TIMELESS: variants seen among roughly 807,000 people sequenced by gnomAD.
TIMELESS encodes the protein protein timeless homolog.
A neutral mutation model predicts 164.3 loss-of-function variants in TIMELESS; 124 were observed. The observed-to-expected ratio is 0.75, with a 90% confidence interval of 0.65 to 0.88. The LOEUF is 0.88. Among genes scored for constraint, TIMELESS ranks in the 40% least tolerant of loss-of-function variants. TIMELESS has a pLI of 0.00. For missense variants in TIMELESS, 1,422 were observed against 1,491.4 expected, an observed-to-expected ratio of 0.95 and a Z score of 0.77; for synonymous variants, 564 against 563.4, an observed-to-expected ratio of 1.00 and a Z score of -0.02.
At chr12:56,429,590 C>T (rs1043292719) in intron 10 of TIMELESS, among the ~76,000 whole-genome samples, 1 of 149,846 alleles carries the variant, frequency 6.7e-6, no homozygotes, top group East Asian at 2.0e-4. Context: ...CAACCTCTGC[C>T]TCCCAGGTTC....
intron 1 of TIMELESS, among the ~76,000 whole-genome samples, chr12:56,442,613 C>A (rs951354078): frequency 2.0e-5 from 3 of 151,240 alleles, no homozygotes; most frequent in Middle Eastern, 3.2e-3. Context: ...ACTCACCCTG[C>A]AAAAGACCAT....
At chr12:56,423,522 A>T (rs1881570428) in intron 17 of TIMELESS, 47 bp from the exon 18 acceptor site, 1 of 1,613,070 alleles carries the variant, frequency 6.2e-7, no homozygotes, top group Non-Finnish European at 8.5e-7. Context: ...AGGAAGACAT[A>T]GCTCATCCTC....
chr12:56,434,746 A>T (rs906186744), intron 1 of TIMELESS, among the ~76,000 whole-genome samples: 7 of 152,042 alleles, frequency 4.6e-5, no homozygotes, highest in Admixed American at 2.0e-4. Context: ...CAAAATAAAT[A>T]AATAAATAAA....
In TIMELESS at chr12:56,429,448, T is replaced by C. The variant is rs112128405; in HGVS notation, c.1087-348A>G. Among the ~76,000 whole-genome samples, 1,238 of 150,648 alleles carry C rather than the reference T, an allele frequency of 8.2e-3. 19 individuals carry two copies. Among genetic ancestry groups the C allele is most frequent in the African/African-American group, 0.028 (1,170 of 41,090 alleles). ...CCTGACCTCAGGTGATCCACCTGCC[T>C]TGGACTCCCAAAGTGCTGGTATTAC... is the stretch of plus-strand genomic sequence containing the variant. On this transcript the variant is annotated intron_variant, in intron 10 of 28. Transcript: ENST00000553532.
At chr12:56,420,048 A>ATATATATATATG (rs1473074484) in intron 26 of TIMELESS, among the ~76,000 whole-genome samples, 10 of 87,330 alleles carry the variant, frequency 1.1e-4, no homozygotes, top group African/African-American at 4.5e-4. Context: ...ATATATATAT[A>ATATATATATATG]TGTGTGTGTG....
intron 1 of TIMELESS, among the ~76,000 whole-genome samples, chr12:56,438,430 A>C (rs1438591397): frequency 6.6e-6 from 1 of 151,826 alleles, no homozygotes; most frequent in East Asian, 1.9e-4. Flanking sequence ...ACTTCAAGTG[A>C]TCCTCCTGCC....
At chr12:56,427,796 G>C (rs1881724583) in intron 13 of TIMELESS, among the ~76,000 whole-genome samples, 1 of 152,092 alleles carries the variant, frequency 6.6e-6, no homozygotes, top group African/African-American at 2.4e-5. Context: ...GGCTGGTCTT[G>C]AACCCCTGAC....
At chr12:56,439,278 T>C (rs573018112) in intron 1 of TIMELESS, among the ~76,000 whole-genome samples, 1 of 150,440 alleles carries the variant, frequency 6.6e-6, no homozygotes, top group African/African-American at 2.4e-5. Context: ...TAGGCTGATA[T>C]GGGCACAGTG....
chr12:56,422,852 A>C lies in TIMELESS; in HGVS notation c.2433T>G (p.Asp811Glu). Residue 811 changes from aspartate to glutamate, a missense_variant, in exon 19 of 29, where the codon GAT becomes GAG. Coordinates refer to ENST00000553532, the MANE Select transcript of TIMELESS (RefSeq NM_003920.5). ...TTTGCCAACTTCAAGCTCACCTGTC[A>C]TCCAGGGAGCCATAGCCCTCAGTCA... ...REMTEGYGSL[D>E]DRSSSRRAPT... 1 of 1,596,434 alleles carries C rather than the reference A, an allele frequency of 6.3e-7. No homozygotes were observed.
At position 56,432,494 on chromosome 12, in the gene TIMELESS, G is replaced by C; in HGVS notation, c.562C>G (p.Gln188Glu). Residue 188 changes from glutamine (Q) to glutamate (E), a missense_variant, in exon 7 of 29, where the codon CAG becomes GAG. By Grantham distance (29) the Gln-to-Glu change is conservative (BLOSUM62 2). Transcript: ENST00000553532. ...CTGAGGTGAATCGCCCAGAGGAGCT[G>C]GTCATGGGCACTGGCGTCATCATCA... ...KIDDDASAHD[Q>E]LLWAIHLSGL... 6.2e-7 allele frequency: 1 copy of C among 1,614,130 alleles called. No homozygotes were observed. The highest frequency in any genetic ancestry group is 2.2e-5 in the East Asian group (1 of 44,878).
chr12:56,431,224 T>A (rs919399150), intron 8 of TIMELESS, among the ~76,000 whole-genome samples: 1 of 151,840 alleles, frequency 6.6e-6, no homozygotes, highest in Admixed American at 6.6e-5. Context: ...CATGGTGGCA[T>A]GCGCCTGTAG....
chr12:56,437,596 A>G (rs1882114061), intron 1 of TIMELESS, among the ~76,000 whole-genome samples: 1 of 152,172 alleles, frequency 6.6e-6, no homozygotes, highest in Non-Finnish European at 1.5e-5. Flanking sequence ...ACATGAGAGC[A>G]GAAGCAAGGT....
In TIMELESS at chr12:56,423,781, A is replaced by G. The variant is rs1415203767; in HGVS notation, c.1966+16T>C. ...AAAGAGCTGGAAGGAGACAGATGTG[A>G]AGGGTGGAGACTCACGGGGAAGTGG... On this transcript the variant is annotated intron_variant, in intron 16 of 28. Coordinates refer to ENST00000553532, the MANE Select transcript of TIMELESS (RefSeq NM_003920.5). 8 of 1,613,984 alleles carry G rather than the reference A, an allele frequency of 5.0e-6. No homozygotes were observed. The highest frequency in any genetic ancestry group is 6.8e-6 in the Non-Finnish European group (8 of 1,180,022).
At chr12:56,443,106 C>T (rs887183925) in intron 1 of TIMELESS, among the ~76,000 whole-genome samples, 7 of 152,208 alleles carry the variant, frequency 4.6e-5, no homozygotes, top group East Asian at 1.9e-4. Context: ...AGAACAACAG[C>T]GATTTTCAGG....
intron 23 of TIMELESS, 29 bp downstream of exon 23, chr12:56,421,322 T>C (rs995793832): frequency 6.2e-7 from 1 of 1,608,480 alleles, no homozygotes; most frequent in Non-Finnish European, 8.5e-7. Context: ...AGTGAGCCCA[T>C]GCCAGCAGAG....
chr12:56,439,385 G>C (rs922219004), intron 1 of TIMELESS, among the ~76,000 whole-genome samples: 4 of 132,198 alleles, frequency 3.0e-5, no homozygotes, highest in African/African-American at 1.2e-4. Context: ...ATTGTACAGG[G>C]GTTTTCTTTT....
chr12:56,418,142 GA>G lies in TIMELESS; in HGVS notation c.3445del (p.Ser1149ProfsTer13), dbSNP rs1367270605. ...LAHKKKAGLA[S>X]PEEEDAVGKE... ...GGCTGTCGCACTATTACCCTCTGGG[GA>G]TGCCAGGCCCGCTTTCTTCTTGTGG... On this transcript the variant is annotated frameshift_variant, in exon 27 of 29. Coordinates refer to ENST00000553532, the MANE Select transcript of TIMELESS (RefSeq NM_003920.5). LOFTEE classifies it high-confidence loss of function. 11 of 1,614,222 alleles carry G rather than the reference GA, an allele frequency of 6.8e-6. No homozygotes were observed. Among genetic ancestry groups the G allele is most frequent in the Non-Finnish European group, 9.3e-6 (11 of 1,180,036 alleles).
chr12:56,432,595 C>G, intron 6 of TIMELESS, 71 bp from the exon 7 acceptor site: 4 of 1,562,730 alleles, frequency 2.6e-6, no homozygotes, highest in South Asian at 1.2e-5. Flanking sequence ...AGCTCTCCAA[C>G]TCATTCTTTG....
intron 24 of TIMELESS, 30 bp from the exon 25 acceptor site, chr12:56,420,911 C>A: frequency 6.2e-7 from 1 of 1,614,092 alleles, no homozygotes; most frequent in Admixed American, 1.7e-5. Context: ...TTACATTTGA[C>A]CCTACTCCCA....
Sources: allele counts gnomAD v4.1 joint callset (sites outside exome capture counted in the v4.1 genomes callset), GRCh38; gene constraint gnomAD v4.1.1; transcripts MANE v1.5; gene names NCBI Gene and HGNC (gene_info 2026-07-23, HGNC 2026-07-21).